Variants in MPRIP observed in about 807,000 individuals in gnomAD.
The protein encoded by MPRIP is myosin phosphatase Rho-interacting protein.
MPRIP carries 59 observed loss-of-function variants against 234.9 expected under a neutral mutation model. The observed-to-expected ratio is 0.25, with a 90% CI of 0.20 to 0.31. MPRIP has a LOEUF of 0.31. Ranked by LOEUF, MPRIP falls within the 10% of genes least tolerant of loss-of-function variation. The pLI is 1.00. For synonymous variants in MPRIP, 1,144 were observed against 1,263.9 expected (o/e 0.91, Z 2.01); for missense variants, 2,436 against 3,071.0 (o/e 0.79, Z 4.89).
intron 3 of MPRIP, among the ~76,000 whole-genome samples, chr17:17,112,952 C>T (rs938212234): frequency 6.6e-6 from 1 of 152,242 alleles, no homozygotes; most frequent in Non-Finnish European, 1.5e-5. Context: ...GCATCCTCAG[C>T]CCTGGGCTGT....
chr17:17,076,712 C>G (rs562014620), intron 2 of MPRIP, among the ~76,000 whole-genome samples: 1 of 152,286 alleles, frequency 6.6e-6, no homozygotes, highest in East Asian at 1.9e-4. Context: ...TCATGCCACC[C>G]AGACAGGAGA....
chr17:17,116,028 C>T (rs970237301), intron 3 of MPRIP, among the ~76,000 whole-genome samples: 4 of 152,058 alleles, frequency 2.6e-5, no homozygotes, highest in African/African-American at 7.2e-5. Flanking sequence ...ATAAATAAAA[C>T]GTATCTATTA....
Position 17,158,658 on chromosome 17 carries a change from A to G in MPRIP, c.2056A>G (p.Thr686Ala). 1 of 1,603,960 alleles carries G rather than the reference A, an allele frequency of 6.2e-7. No individual in the cohort carries two copies. Among genetic ancestry groups the G allele is most frequent in the Non-Finnish European group, 8.5e-7 (1 of 1,176,390 alleles). Residue 686 changes from threonine (T) to alanine (A), a missense_variant, in exon 14 of 24, where the codon ACC (threonine) becomes GCC (alanine). Thr to Ala is a moderately conservative substitution (Grantham distance 58). This residue lies in a region of MPRIP where 1,998 missense variants were observed against 2,520.3 expected (regional missense o/e 0.79). Transcript: ENST00000651222. The part of the protein sequence containing the change: ...ERVGGVGPAD[T>A]HEPLRPEAEP... ...GGTGGGCGGCGTGGGGCCTGCTGAC[A>G]CCCACGAGCCCCTGCGCCCTGAGGC... is the stretch of plus-strand genomic sequence containing the variant.
At chr17:17,104,083 A>T (rs557664115) in intron 3 of MPRIP, among the ~76,000 whole-genome samples, 19 of 152,304 alleles carry the variant, frequency 1.2e-4, no homozygotes, top group Non-Finnish European at 2.4e-4. Flanking sequence ...TTTGTGTCAG[A>T]TATTCATGTG....
chr17:17,076,696 C>T (rs2089336949), intron 2 of MPRIP, among the ~76,000 whole-genome samples: 1 of 152,186 alleles, frequency 6.6e-6, no homozygotes, highest in Admixed American at 6.5e-5. Flanking sequence ...CCCTTTGAGT[C>T]CCTGTTCATG....
Position 17,186,776 on chromosome 17 carries a change from A to T in MPRIP, c.*1882A>T, listed in dbSNP as rs2046483707. 1 of 152,190 alleles carries T rather than the reference A, an allele frequency of 6.6e-6. No individual in the cohort carries two copies. The highest frequency in any genetic ancestry group is 2.1e-4 in the South Asian group (1 of 4,822). The allele number at this position is 152,190 out of a possible 1,614,324, so 9.4% of individuals were successfully genotyped here. A position where few individuals can be genotyped will look rare whatever the true frequency, so the allele number is the denominator to read the frequency against. ...CCATTTAGATTGGCAGTGCTTTGAG[A>T]AATGCACTATGACCTTTCTGTGTCA... On this transcript the variant is annotated 3_prime_UTR_variant, in exon 24 of 24. Coordinates refer to ENST00000651222, the MANE Select transcript of MPRIP (RefSeq NM_001364716.4).
At chr17:17,057,449 G>A (rs2088734863) in intron 1 of MPRIP, among the ~76,000 whole-genome samples, 1 of 152,208 alleles carries the variant, frequency 6.6e-6, no homozygotes, top group Non-Finnish European at 1.5e-5. Context: ...TGGGGCATGG[G>A]AGCTGAAGGC....
intron 3 of MPRIP, among the ~76,000 whole-genome samples, chr17:17,124,401 T>A (rs1431798473): frequency 6.6e-6 from 1 of 152,018 alleles, no homozygotes; most frequent in Admixed American, 6.6e-5. Flanking sequence ...TATGTCTCTG[T>A]GTGTGTGTGT....
chr17:17,109,942 G>A (rs1056367400), intron 3 of MPRIP, among the ~76,000 whole-genome samples: 4 of 152,180 alleles, frequency 2.6e-5, no homozygotes, highest in Admixed American at 6.5e-5. Context: ...TGTAATGTTG[G>A]ATTATGGTGT....
At chr17:17,081,309 G>A (rs572617543) in intron 3 of MPRIP, among the ~76,000 whole-genome samples, 34 of 152,272 alleles carry the variant, frequency 2.2e-4, no homozygotes, top group East Asian at 7.7e-4. Context: ...GGGTTTGGGC[G>A]GCACAAATCT....
chr17:17,091,476 C>T (rs1265870007), intron 3 of MPRIP, among the ~76,000 whole-genome samples: 1 of 152,148 alleles, frequency 6.6e-6, no homozygotes, highest in South Asian at 2.1e-4. Context: ...GAGCAGTGAG[C>T]GACCAAGAGA....
intron 5 of MPRIP, among the ~76,000 whole-genome samples, chr17:17,135,111 G>T (rs372611377): frequency 1.2e-4 from 19 of 152,370 alleles, no homozygotes; most frequent in African/African-American, 4.6e-4. Context: ...CCTGTTGGCA[G>T]CCCTCTGGGC....
Position 17,154,353 on chromosome 17 carries a change from G to T in MPRIP, c.1767G>T (p.Arg589=). 1 of 1,614,184 alleles carries T rather than the reference G, an allele frequency of 6.2e-7. No homozygotes were observed. The highest frequency in any genetic ancestry group is 8.5e-7 in the Non-Finnish European group (1 of 1,180,036). The change falls in exon 13 of 24, where the codon CGG becomes CGT. Residue 589 remains arginine (R), a synonymous_variant. Transcript: ENST00000651222. The part of the protein sequence containing the change: ...FTLSAMTSGI[R]RNWIQTIMKH... Reference sequence around the variant, plus strand: ...TGTCGGCCATGACATCTGGGATTCGGCGGAACTGGATCCAGACCATCATGA... The same window carrying T: ...TGTCGGCCATGACATCTGGGATTCGTCGGAACTGGATCCAGACCATCATGA...
intron 16 of MPRIP, chr17:17,171,289 G>A (rs768115183): frequency 6.1e-6 from 1 of 163,414 alleles, no homozygotes; most frequent in Non-Finnish European, 1.3e-5. Flanking sequence ...CCTGTTTTAC[G>A]GGCCTTTCAC....
At chr17:17,114,014 G>A (rs1400792157) in intron 3 of MPRIP, among the ~76,000 whole-genome samples, 2 of 150,254 alleles carry the variant, frequency 1.3e-5, no homozygotes, top group Non-Finnish European at 2.9e-5. Context: ...CTGCTCCCAA[G>A]TAACTGGGAC....
At chr17:17,129,219 A>G (rs1002976431) in intron 4 of MPRIP, among the ~76,000 whole-genome samples, 2 of 151,796 alleles carry the variant, frequency 1.3e-5, no homozygotes, top group African/African-American at 4.8e-5. Flanking sequence ...TTGGCAAGGG[A>G]GCTCTTCTGT....
intron 2 of MPRIP, among the ~76,000 whole-genome samples, chr17:17,076,700 G>T (rs1412271256): frequency 2.0e-5 from 3 of 152,162 alleles, no homozygotes; most frequent in African/African-American, 7.2e-5. Context: ...TTGAGTCCCT[G>T]TTCATGCCAC....
intron 7 of MPRIP, among the ~76,000 whole-genome samples, chr17:17,140,871 C>T (rs1291990364): frequency 2.0e-5 from 3 of 152,162 alleles, no homozygotes; most frequent in Non-Finnish European, 4.4e-5. Context: ...CGGTTAGTGC[C>T]CTGGGAACCC....
intron 3 of MPRIP, among the ~76,000 whole-genome samples, chr17:17,092,308 G>A (rs770724556): frequency 6.6e-6 from 1 of 152,224 alleles, no homozygotes. Context: ...TAAATGTCCA[G>A]CGCTAGAATT....
Sources: allele counts gnomAD v4.1 joint callset (sites outside exome capture counted in the v4.1 genomes callset), GRCh38; gene constraint gnomAD v4.1.1; regional missense constraint gnomAD v4.1.1; transcripts MANE v1.5; gene names NCBI Gene and HGNC (gene_info 2026-07-23, HGNC 2026-07-21).